Variants in ADD3 observed in about 807,000 individuals in gnomAD.
The protein encoded by ADD3 is adducin 3, also known as gamma-adducin.
ADD3 carries 25 observed loss-of-function variants against 80.2 expected under a neutral mutation model. The ratio of observed to expected loss-of-function variants is 0.31; its 90% CI spans 0.23 to 0.44. The LOEUF (loss-of-function observed/expected upper bound fraction) is 0.44. ADD3 is among the 20% of genes least tolerant of loss of function. The pLI is 1.00. For missense variants in ADD3, 829 were observed against 847.5 expected, an observed-to-expected ratio of 0.98 and a Z score of 0.27; for synonymous variants, 284 against 289.6, an observed-to-expected ratio of 0.98 and a Z score of 0.20.
intron 1 of ADD3, among the ~76,000 whole-genome samples, chr10:110,015,335 T>G (rs1429552212): frequency 2.0e-5 from 3 of 152,112 alleles, no homozygotes; most frequent in African/African-American, 7.2e-5. Context: ...ACTTGTTTTT[T>G]GAAAAACTAG....
chr10:110,070,530 T>C (rs1392309704), intron 1 of ADD3, among the ~76,000 whole-genome samples: 1 of 152,224 alleles, frequency 6.6e-6, no homozygotes, highest in Non-Finnish European at 1.5e-5. Flanking sequence ...CTCTACACTT[T>C]AGTTATGTTT....
rs575305657 is a variant in ADD3, at chr10:110,124,348, T to G, written c.1401+74T>G. 3 of 1,482,618 alleles carry G rather than the reference T, an allele frequency of 2.0e-6. No individual in the cohort carries two copies. In the East Asian group the frequency reaches 6.9e-5, roughly 34 times the overall value. 91.8% of individuals were successfully genotyped at this position (1,482,618 alleles called of 1,614,324 possible). A position where few individuals can be genotyped will look rare whatever the true frequency, so the allele number is the denominator to read the frequency against. ...TTACTCAAGAATTGAATGTTCTATA[T>G]TGAAAATATTTGGAAAGTAAAATAA... On this transcript the variant is annotated intron_variant, in intron 10 of 14. Transcript: ENST00000356080.
At chr10:110,003,216 T>C (rs1851520812), upstream of ADD3, among the ~76,000 whole-genome samples, 1 of 152,050 alleles carries the variant, frequency 6.6e-6, no homozygotes, top group Non-Finnish European at 1.5e-5. Flanking sequence ...AATTCTTGGC[T>C]CTTCATATTC....
intron 1 of ADD3, among the ~76,000 whole-genome samples, chr10:110,093,207 C>A (rs1847768038): frequency 6.6e-6 from 1 of 152,170 alleles, no homozygotes; most frequent in African/African-American, 2.4e-5. Flanking sequence ...AGCATAGTAC[C>A]TGGAATTCTG....
At chr10:110,076,304 A>G (rs1295312186) in intron 1 of ADD3, among the ~76,000 whole-genome samples, 3 of 152,176 alleles carry the variant, frequency 2.0e-5, no homozygotes, top group Admixed American at 6.5e-5. Flanking sequence ...CCTATTAAAG[A>G]TATTTGTACA....
intron 1 of ADD3, among the ~76,000 whole-genome samples, chr10:110,028,119 C>T (rs891280737): frequency 2.0e-5 from 3 of 152,050 alleles, no homozygotes; most frequent in Non-Finnish European, 2.9e-5. Context: ...AGATGACATA[C>T]GTAAAGTGTG....
rs561549102 is a variant in ADD3 at position 110,054,534 on chromosome 10, C to G, written c.-29-46091C>G. Among the ~76,000 whole-genome samples the G allele has an allele frequency of 2.4e-3, 354 of 150,596 alleles. 1 individual carries two copies. The highest frequency in any genetic ancestry group is 6.9e-3 in the Middle Eastern group (2 of 290). The stretch of plus-strand genomic sequence containing the variant: ...TCGGCTCACTGCAACCTCCACCTCC[C>G]AGGTTCAAGTGATTCTCCTGCCTCA... On this transcript the variant is annotated intron_variant, in intron 1 of 14. Coordinates refer to ENST00000356080, the MANE Select transcript of ADD3 (RefSeq NM_016824.5).
chr10:110,133,514 T>A lies in ADD3; in HGVS notation c.2017T>A (p.Ser673Thr). The change falls in exon 15 of 15, where the codon TCA (serine) becomes ACA (threonine). Residue 673 changes from serine (S) to threonine (T), a missense_variant. Physicochemically the swap from Ser to Thr is moderately conservative, Grantham distance 58 (BLOSUM62 1). Transcript: ENST00000356080. ...KSPEKIEEVLSPEGSPSKSPS... is the reference protein window; with the variant it reads ...KSPEKIEEVLTPEGSPSKSPS... ...TCCAGAGAAAATCGAAGAAGTCCTG[T>A]CACCTGAAGGCTCCCCTTCAAAATC... The A allele has an allele frequency of 6.2e-7, 1 of 1,613,586 alleles. No individual in the cohort carries two copies. Among genetic ancestry groups the A allele is most frequent in the Non-Finnish European group, 8.5e-7 (1 of 1,179,744 alleles).
In ADD3 at chr10:110,126,380, C is replaced by T. The variant is rs377621240; in HGVS notation, c.1522-37C>T. On this transcript the variant is annotated intron_variant, in intron 11 of 14. Coordinates refer to ENST00000356080, the MANE Select transcript of ADD3 (RefSeq NM_016824.5). ...AAGCAAAGGTCATCTGCATAGTTGC[C>T]CTCAAGAACTTTATATTGAATTGTT... The T allele has an allele frequency of 2.5e-5, 37 of 1,507,204 alleles. No homozygotes were observed. The African/African-American group carries it at 4.9e-4, about 20-fold the overall frequency. 93.4% of individuals were successfully genotyped at this position (1,507,204 alleles called of 1,614,324 possible).
chr10:110,039,131 C>T (rs2133271038), intron 1 of ADD3, among the ~76,000 whole-genome samples: 1 of 152,284 alleles, frequency 6.6e-6, no homozygotes, highest in Admixed American at 6.5e-5. Context: ...CCCACTCTGG[C>T]CAGACCCTCT....
intron 1 of ADD3, among the ~76,000 whole-genome samples, chr10:110,024,981 G>A (rs1045046041): frequency 6.6e-6 from 1 of 151,100 alleles, no homozygotes; most frequent in Admixed American, 6.6e-5. Flanking sequence ...AGGCAGGAGT[G>A]CATTGGGTTC....
In ADD3 at chr10:110,119,304, G is replaced by A; in HGVS notation, c.811G>A (p.Glu271Lys). Reference sequence around the variant, plus strand: ...TTATGACTACCAAGGGTCACTTGAAGAACAGGAGGAGAGAATTCAACTGCA... The same window carrying A: ...TTATGACTACCAAGGGTCACTTGAAAAACAGGAGGAGAGAATTCAACTGCA... ...AYYDYQGSLE[E>K]QEERIQLQKV... is the part of the protein sequence containing the mutation. Residue 271 changes from glutamate to lysine, a missense_variant, in exon 7 of 15, where the codon GAA becomes AAA. By Grantham distance (56) the Glu-to-Lys change is moderately conservative (BLOSUM62 1). Coordinates refer to ENST00000356080, the MANE Select transcript of ADD3 (RefSeq NM_016824.5). 2 of 1,614,150 alleles carry A rather than the reference G, an allele frequency of 1.2e-6. No individual in the cohort carries two copies. The highest frequency in any genetic ancestry group is 1.7e-6 in the Non-Finnish European group (2 of 1,180,012).
At chr10:110,041,100 G>C (rs1856303586) in intron 1 of ADD3, among the ~76,000 whole-genome samples, 1 of 152,132 alleles carries the variant, frequency 6.6e-6, no homozygotes, top group Admixed American at 6.6e-5. Flanking sequence ...ATATGTGGGT[G>C]ATAAGAGTTT....
chr10:110,121,402 G>C (rs570735199), intron 8 of ADD3, among the ~76,000 whole-genome samples: 84 of 152,306 alleles, frequency 5.5e-4, no homozygotes, highest in African/African-American at 1.9e-3. Flanking sequence ...AGAATCGCTT[G>C]AACCCGGGAG....
chr10:110,065,488 GTC>G (rs67149777), intron 1 of ADD3, among the ~76,000 whole-genome samples: 100,774 of 108,362 alleles, frequency 0.93, 47,216 homozygotes, highest in East Asian at 0.99. Context: ...GTCTCTGTCT[GTC>G]TCTCTCTCTC....
At position 110,119,054 on chromosome 10, in the gene ADD3, G is replaced by A. The variant is rs191180952; in HGVS notation, c.718-157G>A. Among the ~76,000 whole-genome samples, 27 of 152,324 alleles carry A rather than the reference G, an allele frequency of 1.8e-4. No individual in the cohort carries two copies. The East Asian group carries it at 5.2e-3, about 29-fold the overall frequency. ...AAGTCCTTTTTGTGTGTGTGTGGAA[G>A]AAACAAAATGGGAAGTGAATAAAGT... On this transcript the variant is annotated intron_variant, in intron 6 of 14. Coordinates refer to ENST00000356080, the MANE Select transcript of ADD3 (RefSeq NM_016824.5).
intron 1 of ADD3, among the ~76,000 whole-genome samples, chr10:110,027,776 AC>A (rs1276137351): frequency 6.6e-6 from 1 of 152,220 alleles, no homozygotes; most frequent in Admixed American, 6.5e-5. Flanking sequence ...AAAATGAGAC[AC>A]TTCAGAGAGA....
At chr10:110,073,946 T>C (rs991137422) in intron 1 of ADD3, among the ~76,000 whole-genome samples, 2 of 151,928 alleles carry the variant, frequency 1.3e-5, no homozygotes, top group Non-Finnish European at 2.9e-5. Flanking sequence ...GCCAGTCTTG[T>C]AGTAGATGGA....
At chr10:110,064,885 T>G (rs1428639461) in intron 1 of ADD3, among the ~76,000 whole-genome samples, 1 of 152,110 alleles carries the variant, frequency 6.6e-6, no homozygotes, top group African/African-American at 2.4e-5. Flanking sequence ...TGGCAAAACC[T>G]TATCTCTACA....
Sources: allele counts gnomAD v4.1 joint callset (sites outside exome capture counted in the v4.1 genomes callset), GRCh38; gene constraint gnomAD v4.1.1; transcripts MANE v1.5; gene names NCBI Gene and HGNC (gene_info 2026-07-23, HGNC 2026-07-21).